Variants in GRIN2B observed in about 807,000 individuals in gnomAD.
GRIN2B encodes the protein glutamate ionotropic receptor NMDA type subunit 2B.
GRIN2B carries 5 observed loss-of-function variants against 114.5 expected under a neutral mutation model. The ratio of observed to expected loss-of-function variants is 0.04; its 90% confidence interval spans 0.02 to 0.09. The LOEUF is 0.09. GRIN2B is among the 10% of genes least tolerant of loss of function. GRIN2B has a pLI of 1.00. For synonymous variants in GRIN2B, 787 were observed against 745.1 expected (o/e 1.06, Z -0.92); for missense variants, 1,108 against 1,943.5 (o/e 0.57, Z 8.08).
intron 5 of GRIN2B, among the ~76,000 whole-genome samples, chr12:13,622,040 T>C (rs950067912): frequency 1.3e-5 from 2 of 151,848 alleles, no homozygotes; most frequent in African/African-American, 4.8e-5. Flanking sequence ...CAGGGCAGGG[T>C]ATTGAGGCTG....
At chr12:13,589,265 C>A (rs1377858728) in intron 10 of GRIN2B, among the ~76,000 whole-genome samples, 2 of 152,164 alleles carry the variant, frequency 1.3e-5, no homozygotes, top group Non-Finnish European at 2.9e-5. Flanking sequence ...GATGATACAA[C>A]AGAGGCTTTA....
At chr12:13,975,902 C>T (rs11055699) in intron 2 of GRIN2B, among the ~76,000 whole-genome samples, 11,032 of 152,230 alleles carry the variant, frequency 0.072, 468 homozygotes, top group African/African-American at 0.1. Context: ...ACAAGGTAGA[C>T]GTGCATGAGG....
At chr12:13,715,733 G>C (rs934660307) in intron 4 of GRIN2B, among the ~76,000 whole-genome samples, 2 of 151,866 alleles carry the variant, frequency 1.3e-5, no homozygotes, top group Non-Finnish European at 2.9e-5. Flanking sequence ...AGTATTTTAA[G>C]ATTACTGTAC....
chr12:13,668,837 C>A (rs1949999339), intron 5 of GRIN2B, among the ~76,000 whole-genome samples: 1 of 151,056 alleles, frequency 6.6e-6, no homozygotes, highest in Non-Finnish European at 1.5e-5. Flanking sequence ...AGCTATGATA[C>A]AAATTTGTGG....
At chr12:13,731,781 T>C (rs1368267430) in intron 4 of GRIN2B, among the ~76,000 whole-genome samples, 1 of 152,176 alleles carries the variant, frequency 6.6e-6, no homozygotes, top group Non-Finnish European at 1.5e-5. Context: ...TCTGGGGAAT[T>C]TGAAAAAGGC....
intron 3 of GRIN2B, among the ~76,000 whole-genome samples, chr12:13,770,741 C>T (rs960243039): frequency 6.6e-6 from 1 of 152,090 alleles, no homozygotes; most frequent in African/African-American, 2.4e-5. Context: ...TTGCTCAGCT[C>T]CCACTTATGA....
intron 2 of GRIN2B, among the ~76,000 whole-genome samples, chr12:13,935,622 T>TA (rs1289127487): frequency 5.3e-5 from 8 of 152,292 alleles, no homozygotes; most frequent in Non-Finnish European, 2.9e-5. Context: ...AAAACTGTGA[T>TA]AAAAAATAGT....
At chr12:13,688,721 G>A (rs1470557365) in intron 4 of GRIN2B, among the ~76,000 whole-genome samples, 1 of 152,154 alleles carries the variant, frequency 6.6e-6, no homozygotes, top group East Asian at 1.9e-4. Context: ...TTGGTTAATA[G>A]TGACAAAAAC....
chr12:13,825,496 T>TTTTTTTTTGTGTGTGTGTG (rs375940899), intron 3 of GRIN2B, among the ~76,000 whole-genome samples: 2 of 122,970 alleles, frequency 1.6e-5, no homozygotes, highest in African/African-American at 6.2e-5. Flanking sequence ...TATATATATT[T>TTTTTTTTTGTGTGTGTGTG]TGTGTGTGTG....
intron 4 of GRIN2B, among the ~76,000 whole-genome samples, chr12:13,689,800 A>G (rs1052149922): frequency 3.9e-5 from 6 of 152,210 alleles, no homozygotes; most frequent in African/African-American, 1.4e-4. Context: ...TGCTGAAGCC[A>G]AGAACCATCT....
intron 3 of GRIN2B, among the ~76,000 whole-genome samples, chr12:13,846,933 A>G (rs533573789): frequency 5.3e-5 from 8 of 152,290 alleles, no homozygotes; most frequent in Middle Eastern, 3.4e-3. Context: ...CCCAGGAGCG[A>G]GAGAGAAAGA....
intron 2 of GRIN2B, among the ~76,000 whole-genome samples, chr12:13,928,302 C>CA (rs745858482): frequency 0.15 from 12,803 of 87,664 alleles, 594 homozygotes; most frequent in Middle Eastern, 0.23. Context: ...GACTTCATCT[C>CA]AAAAAAAAAA....
intron 2 of GRIN2B, among the ~76,000 whole-genome samples, chr12:13,881,411 G>A (rs115593860): frequency 0.01 from 1,555 of 152,080 alleles, 15 homozygotes; most frequent in African/African-American, 0.023. Flanking sequence ...TCTCTTCAGC[G>A]GGTTTCATTT....
intron 2 of GRIN2B, among the ~76,000 whole-genome samples, chr12:13,972,056 G>A (rs1460278088): frequency 6.6e-6 from 1 of 152,070 alleles, no homozygotes; most frequent in Non-Finnish European, 1.5e-5. Context: ...GAGCTAACAG[G>A]TGCCTTGTCA....
chr12:13,934,593 G>A (rs1463930808), intron 2 of GRIN2B, among the ~76,000 whole-genome samples: 1 of 152,132 alleles, frequency 6.6e-6, no homozygotes, highest in Non-Finnish European at 1.5e-5. Flanking sequence ...CCTACCCCAG[G>A]TTGATACCCT....
chr12:13,610,424 T>C (rs559750217), intron 9 of GRIN2B, among the ~76,000 whole-genome samples: 3 of 152,290 alleles, frequency 2.0e-5, no homozygotes, highest in Admixed American at 6.5e-5. Context: ...GCTCTTGACA[T>C]TGCCAACCTA....
Position 13,595,855 on chromosome 12 carries a change from T to G in GRIN2B, c.2010+12748A>C, listed in dbSNP as rs1268038482. ...GTAGTTGGCCACAATTAATTTGGTG[T>G]GCTTTTAAAAGGATAAAAAGAAAAG... is the stretch of plus-strand genomic sequence containing the variant. On this transcript the variant is annotated intron_variant, in intron 10 of 13. Coordinates refer to ENST00000609686, the MANE Select transcript of GRIN2B (RefSeq NM_000834.5). 2.6e-5 allele frequency among the ~76,000 whole-genome samples: 4 copies of G among 152,204 alleles called. No individual in the cohort carries two copies. In the East Asian group the frequency reaches 7.7e-4, roughly 29 times the overall value.
At chr12:13,611,999 G>A (rs1420466149) in intron 8 of GRIN2B, 149 bp from the exon 9 acceptor site, 3 of 761,706 alleles carry the variant, frequency 3.9e-6, no homozygotes, top group Admixed American at 4.0e-5. Flanking sequence ...AGGTTAGATT[G>A]TACTGAACCA....
intron 5 of GRIN2B, 86 bp from the exon 6 acceptor site, chr12:13,616,743 G>T (rs1488216669): frequency 1.1e-5 from 12 of 1,067,418 alleles, no homozygotes; most frequent in Non-Finnish European, 1.8e-5. Context: ...ACAATCCCAG[G>T]AAGCAGTTGA....
Sources: allele counts gnomAD v4.1 joint callset (sites outside exome capture counted in the v4.1 genomes callset), GRCh38; gene constraint gnomAD v4.1.1; transcripts MANE v1.5; gene names NCBI Gene and HGNC (gene_info 2026-07-23, HGNC 2026-07-21).